SEMA5A: variants seen among roughly 807,000 people sequenced by gnomAD.
SEMA5A encodes the protein semaphorin-5A.
A neutral mutation model predicts 135.5 loss-of-function variants in SEMA5A; 55 were observed. That is an observed-to-expected ratio of 0.41 (90% confidence interval 0.33 to 0.51). The LOEUF (loss-of-function observed/expected upper bound fraction) is 0.51. Among genes scored for constraint, SEMA5A ranks in the 20% least tolerant of loss-of-function variants. The pLI, the probability that SEMA5A is intolerant of heterozygous loss-of-function variation, is 0.37. For synonymous variants in SEMA5A, 580 were observed against 546.5 expected, an observed-to-expected ratio of 1.06 and a Z score of -0.85; for missense variants, 1,290 against 1,419.9, an observed-to-expected ratio of 0.91 and a Z score of 1.47.
At chr5:9,195,193 C>G (rs62340977) in intron 10 of SEMA5A, among the ~76,000 whole-genome samples, 22,658 of 152,192 alleles carry the variant, frequency 0.15, 1,946 homozygotes, top group Admixed American at 0.26. Flanking sequence ...TTTTTAGAGA[C>G]AGGGTCTTGC....
At chr5:9,224,539 A>G in intron 8 of SEMA5A, 135 bp downstream of exon 8, 1 of 776,044 alleles carries the variant, frequency 1.3e-6, no homozygotes, top group Non-Finnish European at 2.1e-6. Flanking sequence ...TTAGTCCTGA[A>G]CAAGCGACAC....
intron 6 of SEMA5A, among the ~76,000 whole-genome samples, chr5:9,232,993 AC>A (rs1316005049): frequency 6.6e-6 from 1 of 152,172 alleles, no homozygotes; most frequent in African/African-American, 2.4e-5. Flanking sequence ...TTACCTCTTT[AC>A]CAGCATAATT....
Position 9,379,902 on chromosome 5 carries a change from C to A in SEMA5A, c.45G>T (p.Gly15=), listed in dbSNP as rs1755522200. The A allele has an allele frequency of 1.2e-6, 2 of 1,613,858 alleles. No individual in the cohort carries two copies. Among genetic ancestry groups the A allele is most frequent in the Non-Finnish European group, 1.7e-6 (2 of 1,179,964 alleles). ...CVIAWLFSSL[G]LWRLAHPEAQ... is the part of the protein sequence containing the mutation. ...CCTCTGGGTGGGCGAGTCTCCACAG[C>A]CCCAGGCTTGAGAACAGCCATGCTA... Residue 15 remains glycine, a synonymous_variant, in exon 3 of 23, where the codon GGG becomes GGT. Coordinates refer to ENST00000382496, the MANE Select transcript of SEMA5A (RefSeq NM_003966.3).
chr5:9,319,102 G>A (rs1322613426), intron 4 of SEMA5A, among the ~76,000 whole-genome samples: 1 of 152,188 alleles, frequency 6.6e-6, no homozygotes, highest in East Asian at 1.9e-4. Context: ...TACTCAGGAG[G>A]CTGAGGCAGG....
At chr5:9,148,081 A>G (rs1360239915) in intron 12 of SEMA5A, among the ~76,000 whole-genome samples, 1 of 151,884 alleles carries the variant, frequency 6.6e-6, no homozygotes. Context: ...TAAAAGATTA[A>G]GTGCACACTC....
chr5:9,384,587 G>C (rs373446229), intron 2 of SEMA5A, among the ~76,000 whole-genome samples: 4,236 of 95,056 alleles, frequency 0.045, 238 homozygotes, highest in African/African-American at 0.082. Flanking sequence ...TAGATAGATA[G>C]ATAGATAGAT....
intron 5 of SEMA5A, among the ~76,000 whole-genome samples, chr5:9,250,050 G>C (rs1748691960): frequency 6.6e-6 from 1 of 152,120 alleles, no homozygotes; most frequent in African/African-American, 2.4e-5. Context: ...CAAGATATTG[G>C]CATGGTGAGA....
At chr5:9,217,311 A>G (rs1215812492) in intron 8 of SEMA5A, among the ~76,000 whole-genome samples, 1 of 152,196 alleles carries the variant, frequency 6.6e-6, no homozygotes, top group Non-Finnish European at 1.5e-5. Context: ...AATGCTGAAT[A>G]TAGGCCCCCA....
intron 11 of SEMA5A, among the ~76,000 whole-genome samples, chr5:9,159,492 G>A (rs528479666): frequency 2.0e-5 from 3 of 152,028 alleles, no homozygotes; most frequent in Non-Finnish European, 4.4e-5. Context: ...AGTGCAAATC[G>A]AAACCAAAAT....
chr5:9,075,946 C>T (rs2150091395), intron 16 of SEMA5A, among the ~76,000 whole-genome samples: 1 of 152,204 alleles, frequency 6.6e-6, no homozygotes, highest in Admixed American at 6.5e-5. Context: ...GTGGCTCACG[C>T]CTGTAATCCC....
At chr5:9,465,519 T>C (rs1471593192) in intron 1 of SEMA5A, among the ~76,000 whole-genome samples, 1 of 152,226 alleles carries the variant, frequency 6.6e-6, no homozygotes. Context: ...ATTCCACAAG[T>C]GCTGTAAGGC....
chr5:9,083,586 T>C (rs13178239), intron 16 of SEMA5A, among the ~76,000 whole-genome samples: 37 of 44,964 alleles, frequency 8.2e-4, no homozygotes, highest in East Asian at 2.3e-3. Context: ...ATTCATCCAT[T>C]CATCCATCCA....
At chr5:9,515,506 G>A (rs1736461216) in intron 1 of SEMA5A, among the ~76,000 whole-genome samples, 1 of 152,178 alleles carries the variant, frequency 6.6e-6, no homozygotes, top group Non-Finnish European at 1.5e-5. Context: ...TATGGCAATA[G>A]GGGAGTTGGC....
chr5:9,501,831 G>A (rs1561302519), intron 1 of SEMA5A, among the ~76,000 whole-genome samples: 1 of 152,172 alleles, frequency 6.6e-6, no homozygotes, highest in African/African-American at 2.4e-5. Context: ...TGGCTAATGT[G>A]CCACCAATTG....
At chr5:9,449,462 C>T (rs1360674772) in intron 1 of SEMA5A, among the ~76,000 whole-genome samples, 1 of 151,970 alleles carries the variant, frequency 6.6e-6, no homozygotes, top group Non-Finnish European at 1.5e-5. Flanking sequence ...CTAATGGATG[C>T]TGGGCTTAAT....
chr5:9,404,311 T>G (rs1394832634), intron 2 of SEMA5A, among the ~76,000 whole-genome samples: 1 of 152,126 alleles, frequency 6.6e-6, no homozygotes, highest in African/African-American at 2.4e-5. Flanking sequence ...CTGTCATATT[T>G]CCCAGAACCA....
intron 2 of SEMA5A, among the ~76,000 whole-genome samples, chr5:9,397,130 TTATAA>T (rs1756442032): frequency 6.6e-6 from 1 of 151,648 alleles, no homozygotes; most frequent in Non-Finnish European, 1.5e-5. Flanking sequence ...TATGCTCAAG[TTATAA>T]TATTAAGTGT....
At chr5:9,104,453 C>A (rs1739797024) in intron 16 of SEMA5A, among the ~76,000 whole-genome samples, 1 of 152,242 alleles carries the variant, frequency 6.6e-6, no homozygotes, top group South Asian at 2.1e-4. Context: ...AAGTCTTCAT[C>A]CAACAACAAT....
intron 5 of SEMA5A, among the ~76,000 whole-genome samples, chr5:9,285,473 T>C (rs1304612987): frequency 6.6e-6 from 1 of 152,176 alleles, no homozygotes; most frequent in Non-Finnish European, 1.5e-5. Flanking sequence ...AAGAAACTCT[T>C]TAGTCTCTCA....
Sources: allele counts gnomAD v4.1 joint callset (sites outside exome capture counted in the v4.1 genomes callset), GRCh38; gene constraint gnomAD v4.1.1; transcripts MANE v1.5; gene names NCBI Gene and HGNC (gene_info 2026-07-23, HGNC 2026-07-21).